ARHGAP31: variants seen among roughly 807,000 people sequenced by gnomAD.
ARHGAP31 encodes Rho GTPase activating protein 31.
A neutral mutation model predicts 113.9 loss-of-function variants in ARHGAP31; 34 were observed. That is an observed-to-expected ratio of 0.30 (90% CI 0.23 to 0.40). The LOEUF is 0.40. Among genes scored for constraint, ARHGAP31 ranks in the 10% least tolerant of loss-of-function variants. The probability of loss-of-function intolerance (pLI) is 1.00; values close to 1 mark genes in which losing one functional copy is unlikely to be tolerated. For synonymous variants in ARHGAP31, 650 were observed against 684.8 expected (o/e 0.95, Z 0.79); for missense variants, 1,548 against 1,767.1 (o/e 0.88, Z 2.22).
chr3:119,348,608 A>G (rs1285816271), intron 1 of ARHGAP31, among the ~76,000 whole-genome samples: 1 of 152,246 alleles, frequency 6.6e-6, no homozygotes, highest in Non-Finnish European at 1.5e-5. Context: ...TAGTATTTGC[A>G]TGTAATCTAT....
chr3:119,415,378 G>A lies in ARHGAP31; in HGVS notation c.3449G>A (p.Cys1150Tyr), dbSNP rs1416370326. 1.9e-6 allele frequency: 3 copies of A among 1,613,930 alleles called. No homozygotes were observed. The highest frequency in any genetic ancestry group is 2.5e-6 in the Non-Finnish European group (3 of 1,180,034). The change falls in exon 12 of 12, where the codon TGT becomes TAT. Residue 1150 changes from cysteine (C) to tyrosine (Y), a missense_variant. Cys to Tyr is a radical substitution (Grantham distance 194). Transcript: ENST00000264245. The part of the protein sequence containing the change: ...PKVTWMTSSY[C>Y]KADPWRVYSQ... ...GTCACATGGATGACCTCATCTTACT[G>A]TAAAGCAGACCCCTGGAGGGTTTAC...
chr3:119,402,201 G>A lies in ARHGAP31; in HGVS notation c.1449G>A (p.Ala483=). The A allele has an allele frequency of 6.2e-7, 1 of 1,614,278 alleles. No individual in the cohort carries two copies. The change falls in exon 10 of 12, where the codon GCG becomes GCA. Residue 483 remains alanine, a synonymous_variant. Transcript: ENST00000264245. ...CCTCGCCGCGTAACCAGCGCAAGGC[G>A]CTGAACATCTCCGAGCCCTTTGCGG... ...MEPSPRNQRK[A]LNISEPFAVS...
intron 1 of ARHGAP31, among the ~76,000 whole-genome samples, chr3:119,329,175 A>C (rs528744087): frequency 6.6e-6 from 1 of 152,352 alleles, no homozygotes; most frequent in South Asian, 2.1e-4. Context: ...AAGGCTATCC[A>C]GAACTAGAGA....
intron 1 of ARHGAP31, among the ~76,000 whole-genome samples, chr3:119,321,563 A>G (rs2079786153): frequency 6.6e-6 from 1 of 150,464 alleles, no homozygotes; most frequent in South Asian, 2.1e-4. Context: ...TATATTATAT[A>G]TATATATGAT....
In ARHGAP31 at chr3:119,393,311, T is replaced by A. The variant is rs190149077; in HGVS notation, c.882-156T>A. On this transcript the variant is annotated intron_variant, in intron 7 of 11. Coordinates refer to ENST00000264245, the MANE Select transcript of ARHGAP31 (RefSeq NM_020754.4). ...TCACCTGGGGCATCTCTAGACAAGG[T>A]GAGAATCAAGCTTACCTTGGATTTT... Among the ~76,000 whole-genome samples, 34 of 152,168 alleles carry A rather than the reference T, an allele frequency of 2.2e-4. 1 individual carries two copies. In the East Asian group the frequency reaches 6.6e-3, roughly 29 times the overall value.
intron 1 of ARHGAP31, among the ~76,000 whole-genome samples, chr3:119,341,264 A>C (rs1034262487): frequency 3.9e-5 from 6 of 152,192 alleles, no homozygotes; most frequent in Non-Finnish European, 7.3e-5. Flanking sequence ...GGTGCATCCA[A>C]CTGAGGAAGC....
chr3:119,365,217 C>T, intron 1 of ARHGAP31, 99 bp from the exon 2 acceptor site: 2 of 940,940 alleles, frequency 2.1e-6, no homozygotes, highest in Non-Finnish European at 3.3e-6. Context: ...TCCATACTTA[C>T]ATCTCTTTGA....
intron 1 of ARHGAP31, among the ~76,000 whole-genome samples, chr3:119,337,505 G>A (rs1242430069): frequency 2.6e-5 from 4 of 152,158 alleles, no homozygotes; most frequent in East Asian, 1.9e-4. Flanking sequence ...AATACTGACG[G>A]GACCCAAATG....
chr3:119,336,694 AC>A (rs201824941), intron 1 of ARHGAP31, among the ~76,000 whole-genome samples: 2,747 of 152,340 alleles, frequency 0.018, 55 homozygotes, highest in East Asian at 0.11. Context: ...TTTAAAGTAT[AC>A]AAGTCAATAG....
At chr3:119,364,464 A>G (rs1011040818) in intron 1 of ARHGAP31, among the ~76,000 whole-genome samples, 1 of 152,218 alleles carries the variant, frequency 6.6e-6, no homozygotes. Context: ...ACAAGCAACA[A>G]GTAATCATGA....
chr3:119,412,331 T>C (rs1042822491), intron 11 of ARHGAP31, among the ~76,000 whole-genome samples: 1 of 151,030 alleles, frequency 6.6e-6, no homozygotes, highest in African/African-American at 2.4e-5. Flanking sequence ...GAGGTTGCAA[T>C]GAGCCGAAAT....
rs1049901978 is a variant in ARHGAP31 at position 119,381,967 on chromosome 3, C to G, written c.432-325C>G. Among the ~76,000 whole-genome samples, 3 of 126,398 alleles carry G rather than the reference C, an allele frequency of 2.4e-5. No homozygotes were observed. In the Admixed American group the frequency reaches 3.1e-4, roughly 13 times the overall value. 82.9% of individuals were successfully genotyped at this position (126,398 alleles called of 152,430 possible). A position where few individuals can be genotyped will look rare whatever the true frequency, so the allele number is the denominator to read the frequency against. ...CGCCACTGCACTCCAGCCTGGGCGA[C>G]AGAGCGAGACTCCGTCTCAAAAAAA... On this transcript the variant is annotated intron_variant, in intron 4 of 11. Transcript: ENST00000264245.
At chr3:119,413,752 T>C in intron 11 of ARHGAP31, 104 bp from the exon 12 acceptor site, 2 of 1,523,792 alleles carry the variant, frequency 1.3e-6, no homozygotes, top group East Asian at 2.3e-5. Context: ...TTTGCTGAAC[T>C]GGCACAGGCT....
Position 119,295,063 on chromosome 3 carries a change from G to C in ARHGAP31, c.100+59G>C. On this transcript the variant is annotated intron_variant, in intron 1 of 11. Transcript: ENST00000264245. ...CCTTCTTTTTGTTTGAGGGAGAGAC[G>C]GACTCTCTCGAGTTGTGATAGAGTC... 6.7e-6 allele frequency: 10 copies of C among 1,489,204 alleles called. No individual in the cohort carries two copies. In the South Asian group the frequency reaches 1.1e-4, roughly 17 times the overall value. 92.2% of individuals were successfully genotyped at this position (1,489,204 alleles called of 1,614,324 possible).
chr3:119,415,146 C>T lies in ARHGAP31; in HGVS notation c.3217C>T (p.Pro1073Ser), dbSNP rs1184360872. ...GCCAGAGAGCAGCAAGGAGAGTTCA[C>T]CCAGCGTGCAGGACAGCACTTCGCC... ...PGPESSKESS[P>S]SVQDSTSPGE... The change falls in exon 12 of 12, where the codon CCC becomes TCC. Residue 1073 changes from proline (P) to serine (S), a missense_variant. Physicochemically the swap from Pro to Ser is moderately conservative, Grantham distance 74. Coordinates refer to ENST00000264245, the MANE Select transcript of ARHGAP31 (RefSeq NM_020754.4). The T allele has an allele frequency of 3.1e-6, 5 of 1,614,098 alleles. No individual in the cohort carries two copies. In the African/African-American group the frequency reaches 5.3e-5, roughly 17 times the overall value.
intron 1 of ARHGAP31, among the ~76,000 whole-genome samples, chr3:119,295,519 T>A: frequency 6.7e-6 from 1 of 149,634 alleles, no homozygotes; most frequent in African/African-American, 2.5e-5. Context: ...GCTGGGGGAG[T>A]GGTTGCACAA....
At chr3:119,392,930 T>C (rs1357079806) in intron 7 of ARHGAP31, among the ~76,000 whole-genome samples, 1 of 152,160 alleles carries the variant, frequency 6.6e-6, no homozygotes, top group East Asian at 1.9e-4. Flanking sequence ...GCATATGGTC[T>C]TTAGTGTTTA....
At chr3:119,302,833 CCTTTG>C (rs1241965021) in intron 1 of ARHGAP31, among the ~76,000 whole-genome samples, 1 of 152,162 alleles carries the variant, frequency 6.6e-6, no homozygotes, top group Non-Finnish European at 1.5e-5. Flanking sequence ...GATTTTGCTC[CCTTTG>C]CTTTGTTTTT....
intron 6 of ARHGAP31, among the ~76,000 whole-genome samples, chr3:119,387,950 G>A (rs972879478): frequency 9.9e-5 from 15 of 152,206 alleles, no homozygotes; most frequent in Admixed American, 4.6e-4. Flanking sequence ...CTAGAGAAGT[G>A]ATCTTTGAAG....
Sources: allele counts gnomAD v4.1 joint callset (sites outside exome capture counted in the v4.1 genomes callset), GRCh38; gene constraint gnomAD v4.1.1; transcripts MANE v1.5; gene names NCBI Gene and HGNC (gene_info 2026-07-23, HGNC 2026-07-21).